The following POGLUT2 variants were observed in gnomAD, a reference collection of about 807,000 sequenced individuals.
The protein encoded by POGLUT2 is protein O-glucosyltransferase 2, also known as ER protein 58.
A neutral mutation model predicts 57.6 loss-of-function variants in POGLUT2; 47 were observed. That is an observed-to-expected ratio of 0.82 (90% CI 0.65 to 1.04). The LOEUF (loss-of-function observed/expected upper bound fraction) is 1.04, where lower values mean the gene tolerates loss of function less well. POGLUT2 is among the 50% of genes least tolerant of loss of function. The pLI is 0.00. For missense variants in POGLUT2, 565 were observed against 614.8 expected, an observed-to-expected ratio of 0.92 and a Z score of 0.86; for synonymous variants, 200 against 218.8, an observed-to-expected ratio of 0.91 and a Z score of 0.76.
chr13:102,788,472 G>T lies in POGLUT2; in HGVS notation c.1293+540C>A, dbSNP rs561484328. On this transcript the variant is annotated intron_variant, in intron 7 of 9. Coordinates refer to ENST00000376004, the MANE Select transcript of POGLUT2 (RefSeq NM_024089.3). ...AATCAAGGCCACAGTTTAGCTTTTT[G>T]TTGTTGTTGTTGTTGTTTGTTGTTG... 3.3e-5 allele frequency among the ~76,000 whole-genome samples: 5 copies of T among 152,152 alleles called. 1 individual carries two copies. In the South Asian group the frequency reaches 6.2e-4, roughly 19 times the overall value.
chr13:102,787,351 A>G (rs1040484118), intron 8 of POGLUT2, among the ~76,000 whole-genome samples: 1 of 152,124 alleles, frequency 6.6e-6, no homozygotes, highest in Non-Finnish European at 1.5e-5. Context: ...CCGGCCTACT[A>G]CCACATTTTT....
At chr13:102,791,658 C>G (rs968803646) in intron 4 of POGLUT2, among the ~76,000 whole-genome samples, 6 of 152,174 alleles carry the variant, frequency 3.9e-5, no homozygotes, top group Admixed American at 3.9e-4. Context: ...AATCTCTGTT[C>G]TAATACTGCG....
At position 102,791,371 on chromosome 13, in the gene POGLUT2, C is replaced by G. The variant is rs1566437180; in HGVS notation, c.732G>C (p.Lys244Asn). 1 of 1,611,462 alleles carries G rather than the reference C, an allele frequency of 6.2e-7. No homozygotes were observed. The highest frequency in any genetic ancestry group is 1.3e-5 in the African/African-American group (1 of 74,690). The change falls in exon 5 of 10, where the codon AAG becomes AAC. Residue 244 changes from lysine (K) to asparagine (N), a missense_variant. Coordinates refer to ENST00000376004, the MANE Select transcript of POGLUT2 (RefSeq NM_024089.3). ...TCGGATGGATGTTTGAATTGGATTT[C>G]TTTTTTTCCAAAGGCCAGTCTCCCA... ...VNLGDWPLEK[K>N]KSNSNIHPIF...
intron 2 of POGLUT2, among the ~76,000 whole-genome samples, chr13:102,794,690 T>C (rs976305498): frequency 1.3e-5 from 2 of 152,106 alleles, no homozygotes; most frequent in Non-Finnish European, 2.9e-5. Context: ...AGACAACAGA[T>C]ACTTGGTTTA....
chr13:102,790,779 G>C (rs573464612), intron 6 of POGLUT2, 122 bp downstream of exon 6: 1 of 694,856 alleles, frequency 1.4e-6, no homozygotes, highest in East Asian at 2.7e-5. Context: ...CTCAATATTC[G>C]CTCAATTTTG....
chr13:102,796,683 TAA>T (rs199885678), intron 2 of POGLUT2, 119 bp downstream of exon 2: 1,951 of 175,890 alleles, frequency 0.011, 43 homozygotes, highest in African/African-American at 0.043. Flanking sequence ...CTTCTTTCAG[TAA>T]AAAAAAAAAA....
chr13:102,787,888 T>G lies in POGLUT2; in HGVS notation c.1329A>C (p.Ala443=). ...TGTCATCGCCCATGAGATTATTTCTTGCAAATTCTTGTCCTGCTTTTGCTA... is the reference window on the plus strand; with the variant it reads ...TGTCATCGCCCATGAGATTATTTCTGGCAAATTCTTGTCCTGCTTTTGCTA... The part of the protein sequence containing the change: ...KKIAKAGQEF[A]RNNLMGDDIF... Residue 443 remains alanine, a synonymous_variant, in exon 8 of 10, where the codon GCA becomes GCC. Coordinates refer to ENST00000376004, the MANE Select transcript of POGLUT2 (RefSeq NM_024089.3). The G allele has an allele frequency of 1.9e-6, 3 of 1,592,936 alleles. No homozygotes were observed. Among genetic ancestry groups the G allele is most frequent in the South Asian group, 2.3e-5 (2 of 88,662 alleles).
Position 102,798,751 on chromosome 13 carries a change from G to A in POGLUT2, c.-81C>T, listed in dbSNP as rs1324921654. 7.3e-7 allele frequency: 1 copy of A among 1,371,544 alleles called. No homozygotes were observed. The highest frequency in any genetic ancestry group is 9.7e-7 in the Non-Finnish European group (1 of 1,035,498). The allele number at this position is 1,371,544 out of a possible 1,614,324, so 85.0% of individuals were successfully genotyped here. A position where few individuals can be genotyped will look rare whatever the true frequency, so the allele number is the denominator to read the frequency against. On this transcript the variant is annotated 5_prime_UTR_variant, in exon 1 of 10. Coordinates refer to ENST00000376004, the MANE Select transcript of POGLUT2 (RefSeq NM_024089.3). Reference sequence around the variant, plus strand: ...GACAGAAGCAGCCGAGCCTTCGGCAGGGACCCGCCGGCCGATCGCAGCAGC... The same window carrying A: ...GACAGAAGCAGCCGAGCCTTCGGCAAGGACCCGCCGGCCGATCGCAGCAGC...
intron 6 of POGLUT2, among the ~76,000 whole-genome samples, chr13:102,790,286 C>G (rs969431480): frequency 6.6e-6 from 1 of 152,198 alleles, no homozygotes; most frequent in Non-Finnish European, 1.5e-5. Flanking sequence ...ATACAGAGGA[C>G]AGATGATGAC....
chr13:102,788,283 T>G (rs1878029505), intron 7 of POGLUT2, among the ~76,000 whole-genome samples: 1 of 152,224 alleles, frequency 6.6e-6, no homozygotes, highest in Non-Finnish European at 1.5e-5. Context: ...ATTCCATCCC[T>G]CTTTATTTCT....
chr13:102,795,141 A>G (rs572786170), intron 2 of POGLUT2, among the ~76,000 whole-genome samples: 2 of 148,248 alleles, frequency 1.3e-5, no homozygotes, highest in Non-Finnish European at 3.0e-5. Context: ...AGTCTCAGCT[A>G]TTTGGGTGGC....
At chr13:102,786,758 T>C (rs1351798231) in intron 8 of POGLUT2, among the ~76,000 whole-genome samples, 2 of 152,210 alleles carry the variant, frequency 1.3e-5, no homozygotes, top group African/African-American at 4.8e-5. Flanking sequence ...CTGTGCTAAG[T>C]ACCTATGCTA....
In POGLUT2 at chr13:102,793,641, T is replaced by C. The variant is rs1357197797; in HGVS notation, c.554A>G (p.Gln185Arg). 6.2e-7 allele frequency: 1 copy of C among 1,614,082 alleles called. No homozygotes were observed. The highest frequency in any genetic ancestry group is 8.5e-7 in the Non-Finnish European group (1 of 1,180,032). Residue 185 changes from glutamine (Q) to arginine (R), a missense_variant, in exon 3 of 10, where the codon CAG becomes CGG. Gln to Arg is a conservative substitution (Grantham distance 43). Coordinates refer to ENST00000376004, the MANE Select transcript of POGLUT2 (RefSeq NM_024089.3). ...IAVEIPKRFGQRQSLCHYTLK... is the reference protein window; with the variant it reads ...IAVEIPKRFGRRQSLCHYTLK... ...GGTGTAGTGACATAGGCTCTGCCTC[T>C]GTCCAAATCTTTTTGGGATTTCTAC...
At position 102,790,885 on chromosome 13, in the gene POGLUT2, AC is replaced by A. The variant is rs1357239878; in HGVS notation, c.1083+15del. 1 of 1,469,482 alleles carries A rather than the reference AC, an allele frequency of 6.8e-7. No homozygotes were observed. The highest frequency in any genetic ancestry group is 1.7e-5 in the Admixed American group (1 of 59,498). The allele number at this position is 1,469,482 out of a possible 1,614,324, so 91.0% of individuals were successfully genotyped here. On this transcript the variant is annotated intron_variant, in intron 6 of 9. Coordinates refer to ENST00000376004, the MANE Select transcript of POGLUT2 (RefSeq NM_024089.3). ...ATTAGAAAAACAAAAAAGATTAGCT[AC>A]TGATTAAGTCATACCTTGAAGAAAT...
chr13:102,794,201 C>A (rs759709385), intron 2 of POGLUT2, among the ~76,000 whole-genome samples: 8 of 151,954 alleles, frequency 5.3e-5, no homozygotes, highest in Non-Finnish European at 1.2e-4. Context: ...TGCGCCACTC[C>A]ATCCTGGGCA....
Position 102,787,889 on chromosome 13 carries a change from G to A in POGLUT2, c.1328C>T (p.Ala443Val), listed in dbSNP as rs768358353. 1.1e-5 allele frequency: 17 copies of A among 1,591,166 alleles called. No homozygotes were observed. The highest frequency in any genetic ancestry group is 1.4e-5 in the Non-Finnish European group (16 of 1,164,178). The change falls in exon 8 of 10, where the codon GCA (alanine) becomes GTA (valine). Residue 443 changes from alanine to valine, a missense_variant. By Grantham distance (64) the Ala-to-Val change is moderately conservative (BLOSUM62 0). Coordinates refer to ENST00000376004, the MANE Select transcript of POGLUT2 (RefSeq NM_024089.3). ...GTCATCGCCCATGAGATTATTTCTTGCAAATTCTTGTCCTGCTTTTGCTAT... is the reference window on the plus strand; with the variant it reads ...GTCATCGCCCATGAGATTATTTCTTACAAATTCTTGTCCTGCTTTTGCTAT... ...KKIAKAGQEF[A>V]RNNLMGDDIF...
intron 9 of POGLUT2, 47 bp downstream of exon 9, chr13:102,786,185 A>C: frequency 8.2e-7 from 1 of 1,218,464 alleles, no homozygotes; most frequent in Non-Finnish European, 1.2e-6. Context: ...GTTTGGATCA[A>C]TGTTAGTTTT....
chr13:102,794,851 C>T (rs1334842051), intron 2 of POGLUT2, among the ~76,000 whole-genome samples: 1 of 151,320 alleles, frequency 6.6e-6, no homozygotes, highest in Non-Finnish European at 1.5e-5. Context: ...GTTATACAAA[C>T]AGGTTCTTAA....
At chr13:102,791,167 TC>T (rs1878154354) in intron 5 of POGLUT2, 29 bp from the exon 6 acceptor site, 7 of 1,609,134 alleles carry the variant, frequency 4.4e-6, no homozygotes, top group Non-Finnish European at 5.1e-6. Context: ...CAGATTTTCC[TC>T]CCAAATCATC....
Sources: gnomAD v4.1 joint callset for allele counts (sites outside exome capture counted in the v4.1 genomes callset) on GRCh38, gnomAD v4.1.1 for gene constraint, MANE v1.5 for transcripts, NCBI Gene and HGNC (gene_info 2026-07-23, HGNC 2026-07-21) for gene names.